ITGA9: variants seen among roughly 807,000 people sequenced by gnomAD.
ITGA9 encodes integrin subunit alpha 9, also known as integrin alpha-9.
Under a neutral mutation model 127.8 loss-of-function variants are expected in ITGA9, and 56 were observed. The observed-to-expected ratio is 0.44, with a 90% CI of 0.35 to 0.55. ITGA9 has a LOEUF of 0.55. ITGA9 is among the 20% of genes least tolerant of loss of function. The pLI is 0.00. For synonymous variants in ITGA9, 508 were observed against 514.5 expected, an observed-to-expected ratio of 0.99 and a Z score of 0.17; for missense variants, 1,196 against 1,347.1, an observed-to-expected ratio of 0.89 and a Z score of 1.76.
At chr3:37,753,267 C>A (rs1210321889) in intron 23 of ITGA9, among the ~76,000 whole-genome samples, 1 of 152,166 alleles carries the variant, frequency 6.6e-6, no homozygotes, top group African/African-American at 2.4e-5. Context: ...ACGTGCCAGG[C>A]TCCAAGGAGA....
intron 18 of ITGA9, among the ~76,000 whole-genome samples, chr3:37,687,002 T>C (rs927881908): frequency 6.6e-6 from 1 of 152,102 alleles, no homozygotes; most frequent in African/African-American, 2.4e-5. Context: ...GCCTGTGAAA[T>C]ATTCTAATGG....
intron 1 of ITGA9, among the ~76,000 whole-genome samples, chr3:37,464,116 A>AGTGTGTGTGTGTGT (rs10603611): frequency 1.4e-5 from 2 of 144,170 alleles, no homozygotes; most frequent in African/African-American, 5.1e-5. Context: ...AGAAGGTGTG[A>AGTGTGTGTGTGTGT]GTGTGTGTGT....
At chr3:37,474,042 C>T (rs169111) in intron 3 of ITGA9, among the ~76,000 whole-genome samples, 128,287 of 152,262 alleles carry the variant, frequency 0.84, 54,127 homozygotes, top group East Asian at 0.94. Context: ...CCCCATTGTA[C>T]GTATCAGTAG....
chr3:37,622,848 T>C (rs1700140691), intron 15 of ITGA9, among the ~76,000 whole-genome samples: 1 of 152,074 alleles, frequency 6.6e-6, no homozygotes, highest in African/African-American at 2.4e-5. Flanking sequence ...AAAAATGCAT[T>C]AAAAATGGTA....
chr3:37,686,114 G>A (rs962477530), intron 18 of ITGA9, among the ~76,000 whole-genome samples: 7 of 152,156 alleles, frequency 4.6e-5, no homozygotes, highest in African/African-American at 1.7e-4. Context: ...ACTTTTCAGA[G>A]GGTGTGAAGT....
intron 17 of ITGA9, among the ~76,000 whole-genome samples, chr3:37,658,382 A>G (rs894068682): frequency 1.8e-4 from 28 of 152,290 alleles, no homozygotes; most frequent in African/African-American, 6.7e-4. Flanking sequence ...TATTGGGTGC[A>G]TATATATTGA....
At chr3:37,660,006 A>ACACG (rs1553655591) in intron 17 of ITGA9, among the ~76,000 whole-genome samples, 10 of 150,964 alleles carry the variant, frequency 6.6e-5, no homozygotes, top group African/African-American at 2.2e-4. Context: ...ACACACACGC[A>ACACG]CACACACACA....
At chr3:37,520,297 G>T (rs17036513) in intron 11 of ITGA9, among the ~76,000 whole-genome samples, 6,896 of 152,192 alleles carry the variant, frequency 0.045, 437 homozygotes, top group African/African-American at 0.15. Context: ...TTTGGGAGGC[G>T]CTGCGAAGAG....
chr3:37,519,295 G>A lies in ITGA9; in HGVS notation c.1177G>A (p.Ala393Thr), dbSNP rs377736863. 6.8e-6 allele frequency: 11 copies of A among 1,613,988 alleles called. No homozygotes were observed. The highest frequency in any genetic ancestry group is 1.7e-5 in the Admixed American group (1 of 60,006). ...TGGTGCACCCAAGGAGGATGACTTCGCAGGGGCGGTCTATATCTATCATGG... is the reference window on the plus strand; with the variant it reads ...TGGTGCACCCAAGGAGGATGACTTCACAGGGGCGGTCTATATCTATCATGG... ...AIGAPKEDDF[A>T]GAVYIYHGDA... is the part of the protein sequence containing the mutation. The change falls in exon 11 of 28, where the codon GCA (alanine) becomes ACA (threonine). Residue 393 changes from alanine to threonine, a missense_variant. By Grantham distance (58) the Ala-to-Thr change is moderately conservative. Coordinates refer to ENST00000264741, the MANE Select transcript of ITGA9 (RefSeq NM_002207.3).
At chr3:37,749,804 G>A (rs888310362) in intron 22 of ITGA9, 3 of 153,888 alleles carry the variant, frequency 1.9e-5, no homozygotes, top group African/African-American at 7.2e-5. Context: ...GCTGGCTCAT[G>A]TAGTAAAAAC....
chr3:37,598,156 C>A (rs1699885796), intron 15 of ITGA9, among the ~76,000 whole-genome samples: 1 of 152,328 alleles, frequency 6.6e-6, no homozygotes, highest in Non-Finnish European at 1.5e-5. Context: ...GTAATAACAT[C>A]TCATTCCCAC....
intron 18 of ITGA9, among the ~76,000 whole-genome samples, chr3:37,693,816 C>A (rs1195344459): frequency 6.6e-6 from 1 of 152,180 alleles, no homozygotes; most frequent in Non-Finnish European, 1.5e-5. Context: ...AGATTACAGC[C>A]TTCCTTCACT....
At chr3:37,748,191 G>A in intron 22 of ITGA9, 1 of 452,936 alleles carries the variant, frequency 2.2e-6, no homozygotes, top group South Asian at 1.8e-5. Context: ...TTGTTTTTTT[G>A]GCCACGTGTA....
chr3:37,658,221 T>G (rs1354739781), intron 17 of ITGA9, among the ~76,000 whole-genome samples: 3 of 152,194 alleles, frequency 2.0e-5, no homozygotes, highest in Non-Finnish European at 2.9e-5. Context: ...GGTCCAGAAC[T>G]GAGTTCAAGT....
chr3:37,454,173 T>G (rs2125544061), intron 1 of ITGA9, among the ~76,000 whole-genome samples: 1 of 152,306 alleles, frequency 6.6e-6, no homozygotes, highest in Non-Finnish European at 1.5e-5. Flanking sequence ...CGGAGCATTG[T>G]GTGTGATCTG....
intron 18 of ITGA9, among the ~76,000 whole-genome samples, chr3:37,728,029 A>G (rs1289265708): frequency 1.3e-5 from 2 of 152,258 alleles, no homozygotes. Flanking sequence ...TCAGATAATC[A>G]GATGTCTGCA....
At chr3:37,517,364 G>A (rs762471398) in intron 9 of ITGA9, 140 bp from the exon 10 acceptor site, 5 of 724,274 alleles carry the variant, frequency 6.9e-6, no homozygotes, top group Non-Finnish European at 1.2e-5. Flanking sequence ...TTGGGTTCCT[G>A]TAATTCTGCC....
rs140855031 is a variant in ITGA9, at chr3:37,542,620, G to A, written c.1689+35G>A. 3.3e-5 allele frequency: 53 copies of A among 1,606,992 alleles called. No homozygotes were observed. In the African/African-American group the frequency reaches 5.9e-4, roughly 18 times the overall value. ...CTCCTCCTTTTTATCCTCAAACTTT[G>A]ATCTCTGCAGATGTTCACTTGGAGC... On this transcript the variant is annotated intron_variant, in intron 15 of 27. Coordinates refer to ENST00000264741, the MANE Select transcript of ITGA9 (RefSeq NM_002207.3).
intron 22 of ITGA9, 123 bp from the exon 23 acceptor site, chr3:37,750,339 C>T (rs1696567250): frequency 7.0e-6 from 5 of 712,226 alleles, no homozygotes; most frequent in Non-Finnish European, 1.3e-5. Flanking sequence ...TGTGACCTTC[C>T]AGATCCGAAC....
Sources: gnomAD v4.1 joint callset for allele counts (sites outside exome capture counted in the v4.1 genomes callset) on GRCh38, gnomAD v4.1.1 for gene constraint, MANE v1.5 for transcripts, NCBI Gene and HGNC (gene_info 2026-07-23, HGNC 2026-07-21) for gene names.